Variants in CNTLN observed in about 807,000 individuals in gnomAD.
CNTLN encodes centlein.
A neutral mutation model predicts 180.0 loss-of-function variants in CNTLN; 212 were observed. The ratio of observed to expected loss-of-function variants is 1.18; its 90% CI spans 1.05 to 1.32. The LOEUF (loss-of-function observed/expected upper bound fraction) is 1.32. Ranked by LOEUF, CNTLN falls within the 40% of genes most tolerant of loss-of-function variation. The pLI is 0.00. For synonymous variants in CNTLN, 722 were observed against 563.1 expected (o/e 1.28, Z -3.99); for missense variants, 2,095 against 1,610.9 (o/e 1.30, Z -5.14).
chr9:17,376,597 G>A (rs1824790574), intron 13 of CNTLN, among the ~76,000 whole-genome samples: 1 of 151,890 alleles, frequency 6.6e-6, no homozygotes, highest in Non-Finnish European at 1.5e-5. Context: ...GACTGCAGGC[G>A]CCCACCACCT....
chr9:17,137,769 G>C (rs927609809), intron 1 of CNTLN, among the ~76,000 whole-genome samples: 1 of 152,164 alleles, frequency 6.6e-6, no homozygotes, highest in African/African-American at 2.4e-5. Flanking sequence ...TGTGCTTGGT[G>C]AAGTTTGAGT....
intron 3 of CNTLN, among the ~76,000 whole-genome samples, chr9:17,229,721 T>G (rs568923659): frequency 6.6e-6 from 1 of 152,204 alleles, no homozygotes; most frequent in South Asian, 2.1e-4. Flanking sequence ...ACATCTAGAC[T>G]GGTGTTAGAT....
At chr9:17,428,277 G>A (rs1829213538) in intron 18 of CNTLN, among the ~76,000 whole-genome samples, 1 of 151,794 alleles carries the variant, frequency 6.6e-6, no homozygotes, top group South Asian at 2.1e-4. Context: ...ATGGGGAAAA[G>A]TTAGTCCAGA....
intron 2 of CNTLN, among the ~76,000 whole-genome samples, chr9:17,191,250 C>T (rs1821770472): frequency 6.6e-6 from 1 of 152,188 alleles, no homozygotes; most frequent in Admixed American, 6.5e-5. Context: ...TTGCTTTTTG[C>T]TCTGTGTTTG....
the CNTLN span, among the ~76,000 whole-genome samples, chr9:17,514,870 C>T: frequency 6.6e-6 from 1 of 152,250 alleles, no homozygotes; most frequent in African/African-American, 2.4e-5. Context: ...ATGACCTTTT[C>T]CACTTGTTCC....
intron 18 of CNTLN, among the ~76,000 whole-genome samples, chr9:17,422,546 T>C (rs1428460315): frequency 3.3e-5 from 5 of 152,140 alleles, no homozygotes. Flanking sequence ...CTCCAAAATA[T>C]CTGATTGGTT....
At chr9:17,352,248 T>C (rs1822425339) in intron 12 of CNTLN, among the ~76,000 whole-genome samples, 1 of 151,944 alleles carries the variant, frequency 6.6e-6, no homozygotes, top group African/African-American at 2.4e-5. Flanking sequence ...ATATTAAATA[T>C]ATGTTGGCCA....
At chr9:17,341,752 C>T (rs1344115186) in intron 11 of CNTLN, among the ~76,000 whole-genome samples, 1 of 152,138 alleles carries the variant, frequency 6.6e-6, no homozygotes, top group Non-Finnish European at 1.5e-5. Flanking sequence ...TTTGGCATCA[C>T]TTGTAGATAA....
chr9:17,402,347 G>T (rs1827044496), intron 15 of CNTLN, among the ~76,000 whole-genome samples: 1 of 151,732 alleles, frequency 6.6e-6, no homozygotes, highest in Non-Finnish European at 1.5e-5. Context: ...TGTATGACTT[G>T]CACTGTATCA....
At chr9:17,505,466 T>C (rs2145667), downstream of CNTLN, among the ~76,000 whole-genome samples, 52,696 of 152,080 alleles carry the variant, frequency 0.35, 9,333 homozygotes, top group South Asian at 0.52. Flanking sequence ...CATGGAAAGA[T>C]TGTGTTTCTA....
At chr9:17,269,797 C>G (rs2132476843) in intron 5 of CNTLN, among the ~76,000 whole-genome samples, 1 of 152,080 alleles carries the variant, frequency 6.6e-6, no homozygotes, top group South Asian at 2.1e-4. Context: ...TGTTCTACTC[C>G]TCTATTTCAT....
At position 17,360,062 on chromosome 9, in the gene CNTLN, A is replaced by G. The variant is rs148740788; in HGVS notation, c.1887-6555A>G. Among the ~76,000 whole-genome samples the G allele has an allele frequency of 6.1e-3, 928 of 152,188 alleles. 10 individuals carry two copies. The highest frequency in any genetic ancestry group is 0.021 in the African/African-American group (864 of 41,530). ...ATATTTCTTTTTTTCCAATTTAAGTATTGTATGTTGCAATATAGATATCCA... is the reference window on the plus strand; with the variant it reads ...ATATTTCTTTTTTTCCAATTTAAGTGTTGTATGTTGCAATATAGATATCCA... On this transcript the variant is annotated intron_variant, in intron 12 of 25. Coordinates refer to ENST00000380647, the MANE Select transcript of CNTLN (RefSeq NM_017738.4).
chr9:17,365,936 A>G (rs1422466284), intron 12 of CNTLN, among the ~76,000 whole-genome samples: 1 of 152,144 alleles, frequency 6.6e-6, no homozygotes, highest in Admixed American at 6.5e-5. Flanking sequence ...ACAGAGTGAG[A>G]CTTTGTCTAA....
intron 25 of CNTLN, among the ~76,000 whole-genome samples, chr9:17,494,325 C>A (rs1428740053): frequency 6.6e-6 from 1 of 152,138 alleles, no homozygotes; most frequent in East Asian, 1.9e-4. Context: ...CCACACTATA[C>A]AATGGTGTCC....
chr9:17,444,263 A>G (rs183639078), intron 18 of CNTLN: 1 of 152,302 alleles, frequency 6.6e-6, no homozygotes, highest in Admixed American at 6.5e-5. Flanking sequence ...CTACATTCTT[A>G]TAGCTCTACC....
At chr9:17,367,018 T>C (rs1823882709) in intron 13 of CNTLN, among the ~76,000 whole-genome samples, 1 of 152,148 alleles carries the variant, frequency 6.6e-6, no homozygotes. Context: ...AAAAAACACC[T>C]ACATAAGAAT....
chr9:17,307,234 G>A (rs1818781021), intron 7 of CNTLN, among the ~76,000 whole-genome samples: 1 of 151,992 alleles, frequency 6.6e-6, no homozygotes, highest in South Asian at 2.1e-4. Context: ...AAGTGAAGTG[G>A]ATTATTTTAA....
intron 13 of CNTLN, among the ~76,000 whole-genome samples, chr9:17,378,079 A>G (rs994038004): frequency 5.9e-5 from 9 of 152,050 alleles, no homozygotes; most frequent in African/African-American, 2.2e-4. Flanking sequence ...TCCGGCCTTC[A>G]TATCTATTTT....
chr9:17,213,125 C>G lies in CNTLN; in HGVS notation c.450-13078C>G, dbSNP rs182071973. Among the ~76,000 whole-genome samples, 17 of 152,270 alleles carry G rather than the reference C, an allele frequency of 1.1e-4. No homozygotes were observed. In the East Asian group the frequency reaches 2.7e-3, roughly 24 times the overall value. ...TTTGAATGTGTTTGCTCTTGCTTCT[C>G]TAGTTCTTTTAATTGTGATGCTAGG... On this transcript the variant is annotated intron_variant, in intron 2 of 25. Coordinates refer to ENST00000380647, the MANE Select transcript of CNTLN (RefSeq NM_017738.4).
Sources: allele counts gnomAD v4.1 joint callset (sites outside exome capture counted in the v4.1 genomes callset), GRCh38; gene constraint gnomAD v4.1.1; transcripts MANE v1.5; gene names NCBI Gene and HGNC (gene_info 2026-07-23, HGNC 2026-07-21).